FOXN2: variants seen among roughly 807,000 people sequenced by gnomAD.
The protein encoded by FOXN2 is forkhead box N2.
In FOXN2, 19 loss-of-function variants were observed where a neutral mutation model predicts 41.2. The observed-to-expected ratio is 0.46, with a 90% CI of 0.32 to 0.68. The LOEUF is 0.68. Ranked by LOEUF, FOXN2 falls within the 30% of genes least tolerant of loss-of-function variation. FOXN2 has a pLI of 0.03. For synonymous variants in FOXN2, 195 were observed against 176.8 expected, an observed-to-expected ratio of 1.10 and a Z score of -0.82; for missense variants, 587 against 509.4, an observed-to-expected ratio of 1.15 and a Z score of -1.47.
intron 3 of FOXN2, among the ~76,000 whole-genome samples, chr2:48,351,460 A>G (rs1315167013): frequency 1.3e-5 from 2 of 152,192 alleles, no homozygotes; most frequent in Admixed American, 1.3e-4. Context: ...AGAGAAGTTG[A>G]TTAATTATTA....
chr2:48,349,868 T>G (rs1366592879), intron 3 of FOXN2, among the ~76,000 whole-genome samples: 2 of 152,244 alleles, frequency 1.3e-5, no homozygotes, highest in African/African-American at 2.4e-5. Flanking sequence ...TAAAAGAATG[T>G]AAGAAAAAGA....
At chr2:48,372,901 G>A (rs928031762) in intron 5 of FOXN2, among the ~76,000 whole-genome samples, 6 of 148,052 alleles carry the variant, frequency 4.1e-5, no homozygotes, top group African/African-American at 1.5e-4. Context: ...CATAGGTAAT[G>A]ATAGTATTCA....
chr2:48,326,959 A>G (rs1283723409), intron 1 of FOXN2, among the ~76,000 whole-genome samples: 5 of 152,178 alleles, frequency 3.3e-5, no homozygotes, highest in African/African-American at 4.8e-5. Context: ...TATTCAACCT[A>G]TACTACCTTT....
intron 5 of FOXN2, among the ~76,000 whole-genome samples, chr2:48,369,437 C>T (rs1206958331): frequency 6.6e-6 from 1 of 152,116 alleles, no homozygotes. Flanking sequence ...ACTCAGGAGG[C>T]TGAGGCAGTA....
chr2:48,348,568 TG>T (rs1273324369), intron 3 of FOXN2, among the ~76,000 whole-genome samples: 1 of 152,216 alleles, frequency 6.6e-6, no homozygotes, highest in African/African-American at 2.4e-5. Context: ...TGCAAAAGAA[TG>T]GCAGGGACGG....
rs779475387 is a variant in FOXN2 at position 48,373,309 on chromosome 2, G to C, written c.721G>C (p.Ala241Pro). ...RNLKESDIDA[A>P]AAMMLLNTSI... is the part of the protein sequence containing the mutation. Reference sequence around the variant, plus strand: ...CTTTTCAGAATCTGATATTGATGCTGCTGCTGCAATGATGCTTTTAAATAC... The same window carrying C: ...CTTTTCAGAATCTGATATTGATGCTCCTGCTGCAATGATGCTTTTAAATAC... The change falls in exon 6 of 7, where the codon GCT (alanine) becomes CCT (proline). Residue 241 changes from alanine (A) to proline (P), a missense_variant. Ala to Pro is a conservative substitution (Grantham distance 27, BLOSUM62 -1). Transcript: ENST00000340553. 6.3e-7 allele frequency: 1 copy of C among 1,591,930 alleles called. No individual in the cohort carries two copies. The highest frequency in any genetic ancestry group is 1.1e-5 in the South Asian group (1 of 88,182).
intron 2 of FOXN2, among the ~76,000 whole-genome samples, chr2:48,337,648 C>A (rs181289384): frequency 1.4e-3 from 214 of 152,194 alleles, no homozygotes; most frequent in African/African-American, 5.0e-3. Context: ...ACATCCATTT[C>A]TTTCGTTGAT....
intron 5 of FOXN2, among the ~76,000 whole-genome samples, chr2:48,372,723 T>C (rs541265967): frequency 1.3e-5 from 2 of 152,260 alleles, no homozygotes; most frequent in South Asian, 4.1e-4. Context: ...TTGTCGTACA[T>C]GTAGGCTTGT....
chr2:48,336,007 G>A (rs965846919), intron 2 of FOXN2, among the ~76,000 whole-genome samples: 14 of 149,024 alleles, frequency 9.4e-5, no homozygotes, highest in East Asian at 2.0e-4. Flanking sequence ...CAGCCTGGGC[G>A]ACAGAGCAAG....
intron 3 of FOXN2, among the ~76,000 whole-genome samples, chr2:48,352,549 T>C (rs964917231): frequency 3.3e-5 from 5 of 152,206 alleles, no homozygotes; most frequent in Non-Finnish European, 7.3e-5. Flanking sequence ...TCGTCTGTGA[T>C]CTTATGACTT....
intron 2 of FOXN2, among the ~76,000 whole-genome samples, chr2:48,335,802 C>G (rs970449091): frequency 6.6e-6 from 1 of 151,012 alleles, no homozygotes; most frequent in Non-Finnish European, 1.5e-5. Flanking sequence ...CTGAGGCAGG[C>G]GGATCATGAG....
At chr2:48,370,436 G>C (rs1282722845) in intron 5 of FOXN2, among the ~76,000 whole-genome samples, 1 of 152,112 alleles carries the variant, frequency 6.6e-6, no homozygotes, top group Non-Finnish European at 1.5e-5. Flanking sequence ...TTTTCCCTCA[G>C]ATATCATTCT....
intron 4 of FOXN2, among the ~76,000 whole-genome samples, chr2:48,361,424 G>A (rs948319093): frequency 8.0e-5 from 12 of 150,072 alleles, no homozygotes; most frequent in South Asian, 2.1e-4. Context: ...CCGAGATTGC[G>A]CCACTGCTCT....
At chr2:48,354,492 T>G (rs944683638) in intron 3 of FOXN2, among the ~76,000 whole-genome samples, 11 of 151,988 alleles carry the variant, frequency 7.2e-5, no homozygotes, top group African/African-American at 2.7e-4. Context: ...CCCAGCTACT[T>G]GGGAGGCTGA....
At chr2:48,326,798 GAT>G (rs1487440995) in intron 1 of FOXN2, among the ~76,000 whole-genome samples, 1 of 152,098 alleles carries the variant, frequency 6.6e-6, no homozygotes, top group African/African-American at 2.4e-5. Context: ...ATTTGTATAA[GAT>G]ATATATGAAA....
At chr2:48,369,919 G>A (rs1262154699) in intron 5 of FOXN2, among the ~76,000 whole-genome samples, 1 of 152,016 alleles carries the variant, frequency 6.6e-6, no homozygotes, top group African/African-American at 2.4e-5. Context: ...AGGATCGTTT[G>A]AGCCTGGGAG....
chr2:48,325,430 G>A (rs745652054), intron 1 of FOXN2, among the ~76,000 whole-genome samples: 14 of 152,136 alleles, frequency 9.2e-5, no homozygotes, highest in Non-Finnish European at 1.6e-4. Flanking sequence ...TATTTGTAAT[G>A]TATACATACA....
At chr2:48,352,315 T>C (rs1046393906) in intron 3 of FOXN2, among the ~76,000 whole-genome samples, 1 of 152,198 alleles carries the variant, frequency 6.6e-6, no homozygotes, top group Non-Finnish European at 1.5e-5. Flanking sequence ...ACTGACTTCT[T>C]TTCTGTCTTA....
chr2:48,326,914 C>T (rs149836150), intron 1 of FOXN2, among the ~76,000 whole-genome samples: 1 of 152,186 alleles, frequency 6.6e-6, no homozygotes, highest in Non-Finnish European at 1.5e-5. Context: ...CAATCCAAAG[C>T]ATTCTGGTCT....
Sources: gnomAD v4.1 joint callset for allele counts (sites outside exome capture counted in the v4.1 genomes callset) on GRCh38, gnomAD v4.1.1 for gene constraint, MANE v1.5 for transcripts, NCBI Gene and HGNC (gene_info 2026-07-23, HGNC 2026-07-21) for gene names.